Variants in PLEKHA6 observed in about 807,000 individuals in gnomAD.
The protein encoded by PLEKHA6 is pleckstrin homology domain containing A6.
PLEKHA6 carries 60 observed loss-of-function variants against 116.7 expected under a neutral mutation model. The observed-to-expected ratio is 0.51, with a 90% confidence interval of 0.42 to 0.64. The LOEUF is 0.64. PLEKHA6 is among the 30% of genes least tolerant of loss of function. The pLI is 0.00. For missense variants in PLEKHA6, 1,338 were observed against 1,422.7 expected (o/e 0.94, Z 0.96); for synonymous variants, 489 against 556.1 (o/e 0.88, Z 1.70).
chr1:204,349,368 G>A (rs567920132), intron 1 of PLEKHA6, among the ~76,000 whole-genome samples: 74 of 152,126 alleles, frequency 4.9e-4, no homozygotes, highest in African/African-American at 1.5e-3. Flanking sequence ...GCGAAACCCC[G>A]TCTCTACTAA....
chr1:204,259,255 C>T lies in PLEKHA6; in HGVS notation c.1007+3G>A, dbSNP rs372744737. 25 of 1,612,426 alleles carry T rather than the reference C, an allele frequency of 1.6e-5. No homozygotes were observed. Among genetic ancestry groups the T allele is most frequent in the African/African-American group, 1.3e-4 (10 of 75,048 alleles). ...CCCCACCCCAGCCGCCGGCATGCCTCACCTCCGAAGGTCTTCAGGCGGGGG... is the reference window on the plus strand; with the variant it reads ...CCCCACCCCAGCCGCCGGCATGCCTTACCTCCGAAGGTCTTCAGGCGGGGG... On this transcript the variant is annotated splice_donor_region_variant and intron_variant, in intron 8 of 22. Transcript: ENST00000272203. This position sits in a 1 kb window ranked among gnomAD's most constrained non-coding sequence, Gnocchi z 4.6.
At chr1:204,254,210 C>T (rs1427052885) in intron 9 of PLEKHA6, among the ~76,000 whole-genome samples, 1 of 152,248 alleles carries the variant, frequency 6.6e-6, no homozygotes, top group Non-Finnish European at 1.5e-5. Context: ...TCTGTTCCCA[C>T]ATGGCCCAGA....
intron 7 of PLEKHA6, among the ~76,000 whole-genome samples, chr1:204,260,606 G>A (rs1273050558): frequency 6.6e-6 from 1 of 152,208 alleles, no homozygotes; most frequent in Non-Finnish European, 1.5e-5. Context: ...ACATATTCAA[G>A]TGGGATTGTT....
chr1:204,273,987 A>G (rs1667749023), intron 2 of PLEKHA6, among the ~76,000 whole-genome samples: 1 of 152,178 alleles, frequency 6.6e-6, no homozygotes, highest in African/African-American at 2.4e-5. Context: ...AGCCTGTAGC[A>G]CAGTGGCACA....
At chr1:204,298,009 G>A in intron 1 of PLEKHA6, 1 of 515,890 alleles carries the variant, frequency 1.9e-6, no homozygotes, top group Non-Finnish European at 2.5e-6. Context: ...AATTGGCTCT[G>A]GTCCCATGGA....
At chr1:204,255,615 G>C (rs1225020722) in intron 9 of PLEKHA6, 14 of 702,806 alleles carry the variant, frequency 2.0e-5, no homozygotes, top group Non-Finnish European at 3.4e-5. Context: ...GGGGGCACCA[G>C]CTCTGCCTAC....
At chr1:204,290,718 A>C (rs1385901057) in intron 1 of PLEKHA6, among the ~76,000 whole-genome samples, 1 of 152,204 alleles carries the variant, frequency 6.6e-6, no homozygotes, top group African/African-American at 2.4e-5. Context: ...GGCCAGGCGC[A>C]GTGGCTCATG....
intron 15 of PLEKHA6, chr1:204,243,219 G>A: frequency 5.0e-6 from 2 of 399,496 alleles, no homozygotes; most frequent in Non-Finnish European, 8.8e-6. Context: ...GAGACTCCAG[G>A]GGGACGTAGG....
chr1:204,352,797 C>A (rs1157980383), intron 1 of PLEKHA6, among the ~76,000 whole-genome samples: 2 of 151,994 alleles, frequency 1.3e-5, no homozygotes, highest in Admixed American at 6.6e-5. Flanking sequence ...CTAGCCTGGG[C>A]AACAAAGTGA....
Position 204,313,344 on chromosome 1 carries a change from T to C in PLEKHA6, c.-94-38535A>G, listed in dbSNP as rs979329811. Among the ~76,000 whole-genome samples, 5 of 152,246 alleles carry C rather than the reference T, an allele frequency of 3.3e-5. No individual in the cohort carries two copies. In the East Asian group the frequency reaches 5.8e-4, roughly 18 times the overall value. On this transcript the variant is annotated intron_variant, in intron 1 of 22. Transcript: ENST00000272203. ...CAGGCCTCCCCACACAGCTCATCTT[T>C]TCAACCTAACTTACAGGGTGCTGGA...
chr1:204,371,019 A>G (rs1572237896), intron 2 of PLEKHA6, among the ~76,000 whole-genome samples: 1 of 143,334 alleles, frequency 7.0e-6, no homozygotes. Flanking sequence ...GTGCCACTGC[A>G]CTCCAGCCTG....
At chr1:204,250,495 C>G (rs780317882) in intron 10 of PLEKHA6, 51 bp downstream of exon 10, 12 of 1,278,496 alleles carry the variant, frequency 9.4e-6, no homozygotes, top group Non-Finnish European at 1.4e-5. Flanking sequence ...CCGCAGAGGA[C>G]AGCAGCAGGA....
chr1:204,295,630 A>G (rs1254945768), intron 1 of PLEKHA6, among the ~76,000 whole-genome samples: 1 of 152,160 alleles, frequency 6.6e-6, no homozygotes, highest in Non-Finnish European at 1.5e-5. Context: ...AGAGCAAATT[A>G]TAGGACAAAA....
chr1:204,315,867 G>A (rs547092895), intron 1 of PLEKHA6, among the ~76,000 whole-genome samples: 61 of 152,330 alleles, frequency 4.0e-4, no homozygotes, highest in Non-Finnish European at 7.4e-4. Flanking sequence ...GAGGCTGGGC[G>A]TTTTAGAGGG....
At position 204,372,645 on chromosome 1, in the gene PLEKHA6, A is replaced by G. The variant is rs575559037; in HGVS notation, c.84-1039T>C. 5.3e-5 allele frequency among the ~76,000 whole-genome samples: 8 copies of G among 152,262 alleles called. No homozygotes were observed. The East Asian group carries it at 1.5e-3, about 29-fold the overall frequency. On this transcript the variant is annotated intron_variant, in intron 1 of 4. Transcript: ENST00000564627. Reference sequence around the variant, plus strand: ...GAATAAACGCCCTAAAAAATTTACAATTTAATAGTTTTGACTTATCTATAC... The same window carrying G: ...GAATAAACGCCCTAAAAAATTTACAGTTTAATAGTTTTGACTTATCTATAC...
chr1:204,251,771 C>T (rs1664598235), intron 9 of PLEKHA6, among the ~76,000 whole-genome samples: 1 of 152,240 alleles, frequency 6.6e-6, no homozygotes, highest in African/African-American at 2.4e-5. Context: ...ACCTCTGTTT[C>T]AGGACCAGCA....
chr1:204,261,118 G>A lies in PLEKHA6; in HGVS notation c.524+188C>T, dbSNP rs963428931. Among the ~76,000 whole-genome samples the A allele has an allele frequency of 4.6e-5, 7 of 152,192 alleles. No homozygotes were observed. The highest frequency in any genetic ancestry group is 1.9e-4 in the East Asian group (1 of 5,180). On this transcript the variant is annotated intron_variant, in intron 7 of 22. Transcript: ENST00000272203. The surrounding 1 kb of genome is among the most constrained non-coding windows in gnomAD (Gnocchi z 4.0). ...AGAGAGAAGAGGAGGAGCTGGCTAG[G>A]GGAAGAGAGACTTCAGGCTCTGAAA...
At position 204,288,778 on chromosome 1, in the gene PLEKHA6, C is replaced by G. The variant is rs139306367; in HGVS notation, c.-94-13969G>C. Among the ~76,000 whole-genome samples the G allele has an allele frequency of 9.9e-4, 151 of 152,254 alleles. 1 individual carries two copies. The highest frequency in any genetic ancestry group is 3.6e-3 in the African/African-American group (148 of 41,534). On this transcript the variant is annotated intron_variant, in intron 1 of 22. Transcript: ENST00000272203. The stretch of plus-strand genomic sequence containing the variant: ...TTTTTTACCTTAATGTCTCTCTGCG[C>G]CACTCAGAAGTTTGGAGAGCAGCAC...
intron 1 of PLEKHA6, among the ~76,000 whole-genome samples, chr1:204,295,681 G>A (rs1031016810): frequency 2.6e-5 from 4 of 152,060 alleles, no homozygotes; most frequent in Non-Finnish European, 5.9e-5. Flanking sequence ...TCAGGGAAGC[G>A]CTCCTTCCAA....
Sources: gnomAD v4.1 joint callset for allele counts (sites outside exome capture counted in the v4.1 genomes callset) on GRCh38, gnomAD v4.1.1 for gene constraint, Gnocchi (gnomAD v3.1) non-coding constraint, MANE v1.5 for transcripts, NCBI Gene and HGNC (gene_info 2026-07-23, HGNC 2026-07-21) for gene names.